The following PBLD variants were observed in gnomAD, a reference collection of about 807,000 sequenced individuals.
The protein encoded by PBLD is phenazine biosynthesis like protein domain containing.
PBLD carries 26 observed loss-of-function variants against 31.3 expected under a neutral mutation model. That is an observed-to-expected ratio of 0.83 (90% CI 0.61 to 1.15). PBLD has a LOEUF of 1.15. PBLD is among the 50% of genes most tolerant of loss of function. PBLD has a pLI of 0.00. For missense variants in PBLD, 307 were observed against 351.7 expected, an observed-to-expected ratio of 0.87 and a Z score of 1.02; for synonymous variants, 114 against 129.0, an observed-to-expected ratio of 0.88 and a Z score of 0.79.
At chr10:68,331,871 T>G (rs1184102463) in intron 1 of PBLD, 1 of 152,340 alleles carries the variant, frequency 6.6e-6, no homozygotes, top group Non-Finnish European at 1.5e-5. Flanking sequence ...GCTGCAGCTC[T>G]TTAACTGGAA....
chr10:68,302,826 G>C (rs1442367413), intron 2 of PBLD, among the ~76,000 whole-genome samples: 2 of 141,782 alleles, frequency 1.4e-5, no homozygotes, highest in African/African-American at 5.3e-5. Context: ...AGGGGAGAAA[G>C]CAAGGTCCTG....
chr10:68,299,698 A>T (rs2044479809), intron 2 of PBLD, among the ~76,000 whole-genome samples: 1 of 151,938 alleles, frequency 6.6e-6, no homozygotes, highest in Non-Finnish European at 1.5e-5. Flanking sequence ...ACTACTAAAA[A>T]TACAAAAATT....
At chr10:68,287,412 C>G (rs1013226420) in intron 8 of PBLD, 3 of 152,216 alleles carry the variant, frequency 2.0e-5, no homozygotes, top group African/African-American at 7.2e-5. Flanking sequence ...GGGGAAGCTG[C>G]ACTCTGGATA....
At chr10:68,291,862 C>G (rs947144752) in intron 6 of PBLD, 148 bp downstream of exon 6, 2 of 921,840 alleles carry the variant, frequency 2.2e-6, no homozygotes, top group African/African-American at 1.7e-5. Flanking sequence ...AACCTTCTCA[C>G]CAAATAGACT....
intron 2 of PBLD, among the ~76,000 whole-genome samples, chr10:68,305,327 G>A: frequency 7.3e-6 from 1 of 136,174 alleles, no homozygotes; most frequent in Admixed American, 7.8e-5. Context: ...TGGCCAGGTT[G>A]GACTCTGGCT....
chr10:68,319,032 GGAAA>G (rs1286685848), intron 1 of PBLD, among the ~76,000 whole-genome samples: 34 of 86,320 alleles, frequency 3.9e-4, no homozygotes, highest in African/African-American at 9.5e-4. Context: ...GGAGAGAGAA[GGAAA>G]GAAAGAAAGA....
intron 1 of PBLD, chr10:68,331,947 G>A (rs1285310965): frequency 6.6e-6 from 1 of 152,318 alleles, no homozygotes; most frequent in African/African-American, 2.4e-5. Flanking sequence ...GGCGCGCTGC[G>A]TGCCGCCAGC....
At chr10:68,326,370 CATATACTGACCTACTAGGA>C (rs1341925520) in intron 1 of PBLD, among the ~76,000 whole-genome samples, 1 of 152,076 alleles carries the variant, frequency 6.6e-6, no homozygotes, top group East Asian at 1.9e-4. Context: ...TGGATGGAAA[CATATACTGACCTACTAGGA>C]ATTCAGTAAT....
chr10:68,286,968 A>C (rs2044295859), intron 8 of PBLD: 1 of 152,162 alleles, frequency 6.6e-6, no homozygotes. Flanking sequence ...TCTCTACTTA[A>C]AATACAAAAA....
intron 2 of PBLD, among the ~76,000 whole-genome samples, chr10:68,302,181 A>G (rs1260461307): frequency 6.6e-6 from 1 of 152,256 alleles, no homozygotes; most frequent in Non-Finnish European, 1.5e-5. Context: ...CAAAACAGTT[A>G]CAAACCAACA....
At chr10:68,328,410 TC>T (rs1300171017) in intron 1 of PBLD, among the ~76,000 whole-genome samples, 1 of 152,216 alleles carries the variant, frequency 6.6e-6, no homozygotes, top group African/African-American at 2.4e-5. Context: ...TCTCTCAGGC[TC>T]TGCACGGAAT....
At chr10:68,302,410 G>A (rs1376956843) in intron 2 of PBLD, among the ~76,000 whole-genome samples, 1 of 152,134 alleles carries the variant, frequency 6.6e-6, no homozygotes, top group Non-Finnish European at 1.5e-5. Flanking sequence ...TTGAAATATG[G>A]CAACCTGAAT....
At chr10:68,299,846 C>A (rs1345166966) in intron 2 of PBLD, among the ~76,000 whole-genome samples, 4 of 151,990 alleles carry the variant, frequency 2.6e-5, no homozygotes, top group Admixed American at 2.6e-4. Flanking sequence ...GAGCAAGACT[C>A]CATCTCAAAA....
chr10:68,298,938 C>G (rs750378145), intron 2 of PBLD, among the ~76,000 whole-genome samples: 2 of 151,834 alleles, frequency 1.3e-5, no homozygotes, highest in Non-Finnish European at 2.9e-5. Context: ...AACTCCATCT[C>G]TACTAAAAAT....
chr10:68,317,055 G>T (rs1401034861), intron 1 of PBLD, among the ~76,000 whole-genome samples: 1 of 152,116 alleles, frequency 6.6e-6, no homozygotes. Flanking sequence ...CAGCAAGAGA[G>T]ACATAACTCA....
chr10:68,321,425 T>C (rs2044833833), intron 1 of PBLD, among the ~76,000 whole-genome samples: 4 of 152,144 alleles, frequency 2.6e-5, no homozygotes, highest in Admixed American at 2.6e-4. Context: ...CAAGAGCACA[T>C]GAAACATTCT....
At chr10:68,307,721 G>A (rs897694288) in intron 1 of PBLD, among the ~76,000 whole-genome samples, 40 of 151,904 alleles carry the variant, frequency 2.6e-4, no homozygotes, top group African/African-American at 8.2e-4. Context: ...GGATGGTCTC[G>A]ATCTCCTGAC....
chr10:68,298,826 G>A (rs1452924634), intron 2 of PBLD, among the ~76,000 whole-genome samples: 2 of 151,730 alleles, frequency 1.3e-5, no homozygotes, highest in African/African-American at 4.8e-5. Context: ...AGTGGACCCA[G>A]CTGGGCGTGG....
At position 68,297,010 on chromosome 10, in the gene PBLD, G is replaced by C. The variant is rs754823016; in HGVS notation, c.85-25C>G. The C allele has an allele frequency of 5.1e-6, 8 of 1,566,986 alleles. No individual in the cohort carries two copies. In the South Asian group the frequency reaches 8.9e-5, roughly 17 times the overall value. ...CCTTAATTAGAAACAGACGATCATT[G>C]AGGTTTCAAAAACACAGATCAGACT... On this transcript the variant is annotated intron_variant, in intron 2 of 9. Coordinates refer to ENST00000358769, the MANE Select transcript of PBLD (RefSeq NM_022129.4).
Sources: gnomAD v4.1 joint callset for allele counts (sites outside exome capture counted in the v4.1 genomes callset) on GRCh38, gnomAD v4.1.1 for gene constraint, MANE v1.5 for transcripts, NCBI Gene and HGNC (gene_info 2026-07-23, HGNC 2026-07-21) for gene names.